ACTR3: variants seen among roughly 807,000 people sequenced by gnomAD.
ACTR3 encodes actin-related protein 3.
ACTR3 carries 12 observed loss-of-function variants against 56.8 expected under a neutral mutation model. That is an observed-to-expected ratio of 0.21 (90% CI 0.14 to 0.34). The LOEUF is 0.34. Among genes scored for constraint, ACTR3 ranks in the 10% least tolerant of loss-of-function variants. The pLI is 1.00. For missense variants in ACTR3, 282 were observed against 512.5 expected, an observed-to-expected ratio of 0.55 and a Z score of 4.34; for synonymous variants, 162 against 167.4, an observed-to-expected ratio of 0.97 and a Z score of 0.25.
chr2:113,894,073 G>GT (rs1678958082), intron 1 of ACTR3, among the ~76,000 whole-genome samples: 1 of 151,622 alleles, frequency 6.6e-6, no homozygotes, highest in African/African-American at 2.4e-5. Context: ...TGTGCGTATT[G>GT]TTTAATAATA....
chr2:113,890,842 T>G, intron 1 of ACTR3: 1 of 973,302 alleles, frequency 1.0e-6, no homozygotes, highest in Non-Finnish European at 1.2e-6. Context: ...AAGGGAAGAA[T>G]CGGACTCTGA....
intron 1 of ACTR3, among the ~76,000 whole-genome samples, chr2:113,907,533 G>A (rs1197630876): frequency 3.9e-5 from 6 of 152,148 alleles, no homozygotes; most frequent in Non-Finnish European, 5.9e-5. Context: ...GACTACAGGC[G>A]TGAGCCGTCA....
intron 3 of ACTR3, 74 bp from the exon 4 acceptor site, chr2:113,927,271 T>C (rs3748997): frequency 0.091 from 90,330 of 988,154 alleles, 4,463 homozygotes; most frequent in East Asian, 0.18. Flanking sequence ...TGATCTGATA[T>C]TTCCTTTTTT....
At chr2:113,913,250 A>G (rs199521847) in intron 2 of ACTR3, 23 bp downstream of exon 2, 2 of 1,528,960 alleles carry the variant, frequency 1.3e-6, no homozygotes, top group Non-Finnish European at 1.8e-6. Flanking sequence ...TTTAAGCCAC[A>G]AATGAGCTGA....
chr2:113,936,090 C>G (rs1452499283), intron 6 of ACTR3, among the ~76,000 whole-genome samples: 5 of 151,988 alleles, frequency 3.3e-5, no homozygotes, highest in Non-Finnish European at 5.9e-5. Flanking sequence ...CCTAGGAGTT[C>G]AAGACCAACA....
intron 2 of ACTR3, 32 bp downstream of exon 2, chr2:113,913,259 G>T (rs773674786): frequency 7.0e-7 from 1 of 1,432,020 alleles, no homozygotes; most frequent in Non-Finnish European, 9.6e-7. Flanking sequence ...CAAATGAGCT[G>T]ATTTAAAAGA....
chr2:113,891,817 T>C (rs1302283018), intron 1 of ACTR3, among the ~76,000 whole-genome samples: 1 of 152,144 alleles, frequency 6.6e-6, no homozygotes, highest in African/African-American at 2.4e-5. Flanking sequence ...TTGGAACTTC[T>C]ATGTATTTTT....
intron 2 of ACTR3, among the ~76,000 whole-genome samples, chr2:113,914,154 A>C (rs1274084350): frequency 2.6e-5 from 4 of 152,002 alleles, no homozygotes; most frequent in Non-Finnish European, 5.9e-5. Flanking sequence ...TGTAGAGAGT[A>C]ATGAAAGCAG....
chr2:113,890,359 G>A lies in ACTR3; in HGVS notation c.44+36G>A, dbSNP rs532504291. On this transcript the variant is annotated intron_variant, in intron 1 of 11. Transcript: ENST00000263238. Reference sequence around the variant, plus strand: ...TTACGGGCGGGGGTGGGGAAACTGAGGCGGAGGAAGGAAGATGGCGGGGGA... The same window carrying A: ...TTACGGGCGGGGGTGGGGAAACTGAAGCGGAGGAAGGAAGATGGCGGGGGA... 7.4e-5 allele frequency: 107 copies of A among 1,451,656 alleles called. 1 individual carries two copies. The South Asian group carries it at 1.3e-3, about 18-fold the overall frequency. 89.9% of individuals were successfully genotyped at this position (1,451,656 alleles called of 1,614,324 possible). A position where few individuals can be genotyped will look rare whatever the true frequency, so the allele number is the denominator to read the frequency against.
chr2:113,897,442 G>T (rs922317318), intron 1 of ACTR3, among the ~76,000 whole-genome samples: 4 of 150,288 alleles, frequency 2.7e-5, no homozygotes, highest in African/African-American at 4.9e-5. Context: ...CCAAACTGTC[G>T]ATTTAAACTC....
intron 3 of ACTR3, among the ~76,000 whole-genome samples, chr2:113,921,425 G>A (rs1679507920): frequency 6.7e-6 from 1 of 149,552 alleles, no homozygotes; most frequent in Admixed American, 6.7e-5. Context: ...TCCATAACTT[G>A]TATTTTCCCT....
At position 113,930,273 on chromosome 2, in the gene ACTR3, A is replaced by G. The variant is rs796437887; in HGVS notation, c.337-1028A>G. 5.3e-5 allele frequency among the ~76,000 whole-genome samples: 8 copies of G among 152,248 alleles called. 1 individual carries two copies. The highest frequency in any genetic ancestry group is 1.9e-4 in the African/African-American group (8 of 41,582). On this transcript the variant is annotated intron_variant, in intron 4 of 11. Transcript: ENST00000263238. ...ACATAGCTCCAGAACTCTTCTAAAGAAGTTTAAACACCACAGGGAGTTTAG... is the reference window on the plus strand; with the variant it reads ...ACATAGCTCCAGAACTCTTCTAAAGGAGTTTAAACACCACAGGGAGTTTAG...
intron 6 of ACTR3, among the ~76,000 whole-genome samples, chr2:113,935,739 AAATC>A (rs1208731220): frequency 3.9e-5 from 6 of 152,154 alleles, no homozygotes; most frequent in Admixed American, 1.3e-4. Context: ...TTAAATCTGA[AAATC>A]AGTCTGTGAT....
rs965950421 is a variant in ACTR3, at chr2:113,958,908, AT to A, written c.*1455del. 7.9e-5 allele frequency: 12 copies of A among 152,166 alleles called. No homozygotes were observed. Among genetic ancestry groups the A allele is most frequent in the African/African-American group, 2.4e-4 (10 of 41,576 alleles). 9.4% of individuals were successfully genotyped at this position (152,166 alleles called of 1,614,324 possible). On this transcript the variant is annotated 3_prime_UTR_variant, in exon 12 of 12. Coordinates refer to ENST00000263238, the MANE Select transcript of ACTR3 (RefSeq NM_005721.5). ...TTTTTGTTTTTACTCTAAAGATAGA[AT>A]TGGGGAGTAAACTTCAGTTTTTGTT... is the stretch of plus-strand genomic sequence containing the variant.
intron 3 of ACTR3, among the ~76,000 whole-genome samples, chr2:113,919,752 TTTTA>T: frequency 7.8e-6 from 1 of 127,626 alleles, no homozygotes; most frequent in East Asian, 2.4e-4. Flanking sequence ...AATTATTTTA[TTTTA>T]TTTTTAAGAC....
intron 6 of ACTR3, among the ~76,000 whole-genome samples, chr2:113,937,207 G>A (rs916695761): frequency 2.0e-5 from 3 of 152,246 alleles, no homozygotes; most frequent in African/African-American, 7.2e-5. Context: ...GGGTTTAAGC[G>A]ATTCTTGTGT....
intron 8 of ACTR3, among the ~76,000 whole-genome samples, chr2:113,943,731 T>A (rs1679965367): frequency 6.6e-6 from 1 of 152,354 alleles, no homozygotes; most frequent in Non-Finnish European, 1.5e-5. Flanking sequence ...GGCAACCCAG[T>A]GTGCCATCCA....
chr2:113,945,400 A>G (rs1456374688), intron 8 of ACTR3, among the ~76,000 whole-genome samples: 2 of 151,976 alleles, frequency 1.3e-5, no homozygotes, highest in African/African-American at 2.4e-5. Flanking sequence ...CTGTTTCTTG[A>G]TATGTCACTG....
At chr2:113,922,000 A>G (rs1274358382) in intron 3 of ACTR3, among the ~76,000 whole-genome samples, 2 of 152,230 alleles carry the variant, frequency 1.3e-5, no homozygotes. Context: ...TAAACACTGT[A>G]GAATGGTGCT....
Sources: gnomAD v4.1 joint callset for allele counts (sites outside exome capture counted in the v4.1 genomes callset) on GRCh38, gnomAD v4.1.1 for gene constraint, MANE v1.5 for transcripts, NCBI Gene and HGNC (gene_info 2026-07-23, HGNC 2026-07-21) for gene names.